The following SPECC1 variants were observed in gnomAD, a reference collection of about 807,000 sequenced individuals.
SPECC1 encodes sperm antigen with calponin homology and coiled-coil domains 1, also known as cytospin-B.
A neutral mutation model predicts 104.1 loss-of-function variants in SPECC1; 62 were observed. The observed-to-expected ratio is 0.60, with a 90% CI of 0.49 to 0.74. SPECC1 has a LOEUF of 0.74. Ranked by LOEUF, SPECC1 falls within the 30% of genes least tolerant of loss-of-function variation. The pLI is 0.00. For missense variants in SPECC1, 1,306 were observed against 1,310.5 expected (o/e 1.00, Z 0.05); for synonymous variants, 513 against 501.6 (o/e 1.02, Z -0.30).
intron 12 of SPECC1, among the ~76,000 whole-genome samples, chr17:20,275,264 T>C (rs186223084): frequency 1.3e-5 from 2 of 152,346 alleles, no homozygotes; most frequent in East Asian, 3.9e-4. Context: ...TATTCTTTAA[T>C]GTGAAATATA....
At chr17:20,088,066 G>A (rs1284809507) in intron 1 of SPECC1, among the ~76,000 whole-genome samples, 4 of 151,986 alleles carry the variant, frequency 2.6e-5, no homozygotes, top group African/African-American at 9.7e-5. Flanking sequence ...ATGAAGCACA[G>A]TGAGCAGGGG....
intron 13 of SPECC1, among the ~76,000 whole-genome samples, chr17:20,299,607 A>T (rs891831645): frequency 6.6e-6 from 1 of 151,680 alleles, no homozygotes; most frequent in Non-Finnish European, 1.5e-5. Context: ...TCACAGAAAC[A>T]TCTAGAATAA....
chr17:20,148,964 C>T (rs925767931), intron 3 of SPECC1, among the ~76,000 whole-genome samples: 19 of 152,130 alleles, frequency 1.2e-4, no homozygotes, highest in African/African-American at 3.4e-4. Context: ...CAGGCAATCC[C>T]GCCTGCCTCA....
intron 3 of SPECC1, chr17:20,155,940 G>A (rs565188289): frequency 2.4e-6 from 3 of 1,237,072 alleles, no homozygotes; most frequent in Middle Eastern, 3.2e-4. Context: ...TGCAGTTGAG[G>A]TGGTCCGGCA....
chr17:20,205,179 T>TA lies in SPECC1; in HGVS notation c.1131dup (p.Gln378ThrfsTer9). ...TCCCTGGCTTCCCTCACAGAGAAGA[T>TA]ACAAAAGATGGAAGAAAACCACCAT... On this transcript the variant is annotated frameshift_variant, in exon 4 of 15. Coordinates refer to ENST00000395527, the MANE Select transcript of SPECC1 (RefSeq NM_001243439.2). LOFTEE classifies it high-confidence loss of function. 1 of 1,613,974 alleles carries TA rather than the reference T, an allele frequency of 6.2e-7. No individual in the cohort carries two copies. The highest frequency in any genetic ancestry group is 8.5e-7 in the Non-Finnish European group (1 of 1,179,992).
At chr17:20,020,336 T>A (rs929482818) in intron 1 of SPECC1, among the ~76,000 whole-genome samples, 2 of 152,090 alleles carry the variant, frequency 1.3e-5, no homozygotes, top group Admixed American at 6.6e-5. Context: ...TCTGTTTTTT[T>A]ATTTTTTTTA....
chr17:20,255,440 A>G (rs2039790905), intron 10 of SPECC1, among the ~76,000 whole-genome samples: 1 of 152,230 alleles, frequency 6.6e-6, no homozygotes, highest in Non-Finnish European at 1.5e-5. Flanking sequence ...AATTGTGGTA[A>G]AAGACACATA....
chr17:20,048,903 A>G (rs1479945747), intron 1 of SPECC1, among the ~76,000 whole-genome samples: 1 of 152,154 alleles, frequency 6.6e-6, no homozygotes. Context: ...GAAAAGAAAA[A>G]AAAAAATTCC....
intron 3 of SPECC1, among the ~76,000 whole-genome samples, chr17:20,178,447 G>GA (rs376845142): frequency 3.9e-5 from 6 of 152,268 alleles, no homozygotes; most frequent in African/African-American, 1.4e-4. Flanking sequence ...GAAATAGTGT[G>GA]ATCCACTTAA....
At chr17:20,141,141 G>A (rs963643468) in intron 3 of SPECC1, among the ~76,000 whole-genome samples, 2 of 152,188 alleles carry the variant, frequency 1.3e-5, no homozygotes, top group Non-Finnish European at 2.9e-5. Flanking sequence ...GCTCATAGTA[G>A]CACCTCCTTC....
intron 7 of SPECC1, chr17:20,238,645 T>A (rs2039051126): frequency 9.6e-7 from 1 of 1,039,986 alleles, no homozygotes; most frequent in Non-Finnish European, 1.2e-6. Flanking sequence ...AAAATTTACT[T>A]AGATACTTGT....
At chr17:20,031,742 T>G (rs1483556192) in intron 1 of SPECC1, among the ~76,000 whole-genome samples, 2 of 152,230 alleles carry the variant, frequency 1.3e-5, no homozygotes, top group Admixed American at 1.3e-4. Flanking sequence ...TTCATACAAG[T>G]GAAGTAATAT....
intron 3 of SPECC1, among the ~76,000 whole-genome samples, chr17:20,173,647 AT>A (rs2034253494): frequency 6.7e-6 from 1 of 150,298 alleles, no homozygotes; most frequent in African/African-American, 2.5e-5. Context: ...AATTGTCAGG[AT>A]TAGACCTCAA....
chr17:20,297,191 T>TACC, intron 13 of SPECC1, 114 bp downstream of exon 13: 1 of 799,990 alleles, frequency 1.3e-6, no homozygotes, highest in Non-Finnish European at 2.0e-6. Flanking sequence ...GGGATATTGA[T>TACC]ACCAGGTACA....
Position 20,085,858 on chromosome 17 carries a change from G to T in SPECC1, c.-21-10773G>T, listed in dbSNP as rs551501790. Among the ~76,000 whole-genome samples, 114 of 152,344 alleles carry T rather than the reference G, an allele frequency of 7.5e-4. 2 individuals are homozygous for T. Among genetic ancestry groups the T allele is most frequent in the Admixed American group, 3.3e-3 (50 of 15,300 alleles). On this transcript the variant is annotated intron_variant, in intron 1 of 14. Transcript: ENST00000395527. ...GTTCAGTGGAGGGGATATCCACCAC[G>T]ACTCTGGGTACCCACGGCGGGATGC...
intron 4 of SPECC1, among the ~76,000 whole-genome samples, chr17:20,218,767 A>G (rs1398363630): frequency 6.6e-6 from 1 of 152,166 alleles, no homozygotes; most frequent in Non-Finnish European, 1.5e-5. Flanking sequence ...TATTAACTAT[A>G]TTGTATCCAT....
At position 20,317,003 on chromosome 17, in the gene SPECC1, G is replaced by C; in HGVS notation, c.*2938G>C. 4.8e-6 allele frequency: 1 copy of C among 208,298 alleles called. No individual in the cohort carries two copies. Among genetic ancestry groups the C allele is most frequent in the Non-Finnish European group, 9.8e-6 (1 of 102,344 alleles). The allele number at this position is 208,298 out of a possible 1,614,324, so 12.9% of individuals were successfully genotyped here. ...AGGTTAAAAAGAAGGAAAGAAACAT[G>C]AAAGGCCATGTACAATTTATTTTTA... On this transcript the variant is annotated 3_prime_UTR_variant, in exon 15 of 15. Coordinates refer to ENST00000395527, the MANE Select transcript of SPECC1 (RefSeq NM_001243439.2).
At chr17:20,242,023 G>A (rs2039224672) in intron 7 of SPECC1, among the ~76,000 whole-genome samples, 1 of 152,172 alleles carries the variant, frequency 6.6e-6, no homozygotes, top group South Asian at 2.1e-4. Flanking sequence ...GAGACCGGCA[G>A]GCGTGAGCAT....
intron 12 of SPECC1, among the ~76,000 whole-genome samples, chr17:20,290,899 C>T (rs2041142121): frequency 6.6e-6 from 1 of 152,166 alleles, no homozygotes; most frequent in South Asian, 2.1e-4. Flanking sequence ...ATCCATCTGA[C>T]CTCTCAAATG....
Sources: gnomAD v4.1 joint callset for allele counts (sites outside exome capture counted in the v4.1 genomes callset) on GRCh38, gnomAD v4.1.1 for gene constraint, MANE v1.5 for transcripts, NCBI Gene and HGNC (gene_info 2026-07-23, HGNC 2026-07-21) for gene names.